The following STK39 variants were observed in gnomAD, a reference collection of about 807,000 sequenced individuals.
The protein encoded by STK39 is serine/threonine kinase 39.
Under a neutral mutation model 77.8 loss-of-function variants are expected in STK39, and 20 were observed. The observed-to-expected ratio is 0.26, with a 90% CI of 0.18 to 0.37. The LOEUF is 0.37. Among genes scored for constraint, STK39 ranks in the 10% least tolerant of loss-of-function variants. The probability of loss-of-function intolerance (pLI) is 1.00; values close to 1 mark genes in which losing one functional copy is unlikely to be tolerated. For missense variants in STK39, 479 were observed against 656.5 expected (o/e 0.73, Z 2.95); for synonymous variants, 246 against 234.1 (o/e 1.05, Z -0.47).
At chr2:168,225,548 G>T (rs181500105) in intron 1 of STK39, among the ~76,000 whole-genome samples, 156 of 152,226 alleles carry the variant, frequency 1.0e-3, no homozygotes, top group African/African-American at 3.7e-3. Context: ...CAGAATTTAA[G>T]ACAATTTATA....
intron 10 of STK39, among the ~76,000 whole-genome samples, chr2:168,127,359 C>A (rs753688121): frequency 1.9e-4 from 29 of 152,134 alleles, no homozygotes; most frequent in African/African-American, 7.0e-4. Context: ...CCACATTGGC[C>A]GGGATGGTCT....
At chr2:168,053,555 A>G (rs762517108) in intron 14 of STK39, among the ~76,000 whole-genome samples, 3 of 152,196 alleles carry the variant, frequency 2.0e-5, no homozygotes, top group African/African-American at 4.8e-5. Flanking sequence ...AAAATACAGA[A>G]TATCTTTAAA....
At chr2:168,065,207 G>A in intron 13 of STK39, 112 bp downstream of exon 13, 1 of 1,103,194 alleles carries the variant, frequency 9.1e-7, no homozygotes, top group South Asian at 1.4e-5. Flanking sequence ...CAGCTTATAA[G>A]CCCTTGATTT....
chr2:168,149,508 G>A (rs138148263), intron 5 of STK39, among the ~76,000 whole-genome samples: 12 of 152,162 alleles, frequency 7.9e-5, no homozygotes, highest in Middle Eastern at 3.2e-3. Flanking sequence ...GATAATTAAC[G>A]TTTCTGCTGC....
chr2:168,153,543 G>T (rs550036637), intron 5 of STK39, among the ~76,000 whole-genome samples: 1 of 151,866 alleles, frequency 6.6e-6, no homozygotes, highest in Non-Finnish European at 1.5e-5. Context: ...TGCTGCTGCT[G>T]CTCTAGGAGC....
chr2:168,110,655 T>A (rs1687098333), intron 10 of STK39, among the ~76,000 whole-genome samples: 1 of 152,210 alleles, frequency 6.6e-6, no homozygotes, highest in Non-Finnish European at 1.5e-5. Flanking sequence ...CAAGTTTTCC[T>A]TATACCTGAG....
rs1423090139 is a variant in STK39 at position 168,012,276 on chromosome 2, G to A, written c.1498+358C>T. Among the ~76,000 whole-genome samples the A allele has an allele frequency of 5.3e-5, 8 of 151,942 alleles. No individual in the cohort carries two copies. In the East Asian group the frequency reaches 1.4e-3, roughly 26 times the overall value. On this transcript the variant is annotated intron_variant, in intron 16 of 17. Coordinates refer to ENST00000355999, the MANE Select transcript of STK39 (RefSeq NM_013233.3). ...CAACCTCAGCCTCCCAGGTTCAAGCGATTCTCCTGCCTCAGCTTCTCGAGT... is the reference window on the plus strand; with the variant it reads ...CAACCTCAGCCTCCCAGGTTCAAGCAATTCTCCTGCCTCAGCTTCTCGAGT...
At chr2:168,207,005 T>G (rs1164359264) in intron 1 of STK39, among the ~76,000 whole-genome samples, 2 of 152,164 alleles carry the variant, frequency 1.3e-5, no homozygotes, top group African/African-American at 4.8e-5. Context: ...CAATTTCAGG[T>G]GAGATTCATT....
chr2:168,041,591 C>A (rs1354825997), intron 14 of STK39, among the ~76,000 whole-genome samples: 3 of 152,156 alleles, frequency 2.0e-5, no homozygotes, highest in Non-Finnish European at 4.4e-5. Context: ...GGTAATGCTG[C>A]TAGTTACTCA....
chr2:167,997,390 A>T (rs1490263127), intron 16 of STK39, among the ~76,000 whole-genome samples: 1 of 152,106 alleles, frequency 6.6e-6, no homozygotes, highest in Non-Finnish European at 1.5e-5. Context: ...ATTGATTTCA[A>T]AAGGGAAAGA....
rs144880510 is a variant in STK39, at chr2:168,227,404, G to A, written c.208+19824C>T. Among the ~76,000 whole-genome samples, 8 of 152,128 alleles carry A rather than the reference G, an allele frequency of 5.3e-5. No individual in the cohort carries two copies. The South Asian group carries it at 6.2e-4, about 12-fold the overall frequency. ...TACTATAAAATCCTTAAAATTTAGC[G>A]GACCACAAAATTCAACATTCATATC... On this transcript the variant is annotated intron_variant, in intron 1 of 17. Transcript: ENST00000355999.
intron 12 of STK39, among the ~76,000 whole-genome samples, chr2:168,068,396 T>C (rs542303751): frequency 2.0e-5 from 3 of 152,332 alleles, no homozygotes; most frequent in East Asian, 3.9e-4. Flanking sequence ...GCAAATATTA[T>C]AGCTAAATGC....
In STK39 at chr2:168,127,876, G is replaced by A. The variant is rs1687585890; in HGVS notation, c.1089+1665C>T. ...AAAGGTTTCAACCAAAATTGCAGAA[G>A]GAATCATAGGGAAGATGTGGAGAGT... On this transcript the variant is annotated intron_variant, in intron 10 of 17. Coordinates refer to ENST00000355999, the MANE Select transcript of STK39 (RefSeq NM_013233.3). Among the ~76,000 whole-genome samples, 3 of 152,172 alleles carry A rather than the reference G, an allele frequency of 2.0e-5. 1 individual carries two copies. The South Asian group carries it at 6.2e-4, about 32-fold the overall frequency.
intron 14 of STK39, among the ~76,000 whole-genome samples, chr2:168,059,978 T>C (rs996344537): frequency 6.6e-6 from 1 of 152,202 alleles, no homozygotes; most frequent in African/African-American, 2.4e-5. Context: ...CAATGCCATG[T>C]ACATAGTAAG....
At chr2:168,233,903 A>T (rs1467039239) in intron 1 of STK39, among the ~76,000 whole-genome samples, 2 of 152,218 alleles carry the variant, frequency 1.3e-5, no homozygotes, top group African/African-American at 4.8e-5. Context: ...GTGTTTAGTC[A>T]TCACAAGAAC....
At chr2:168,215,966 C>G (rs952826979) in intron 1 of STK39, among the ~76,000 whole-genome samples, 8 of 152,136 alleles carry the variant, frequency 5.3e-5, no homozygotes, top group African/African-American at 1.9e-4. Flanking sequence ...TCTAGCATCT[C>G]TAAGGACTGG....
intron 7 of STK39, among the ~76,000 whole-genome samples, chr2:168,138,500 G>A (rs564380212): frequency 4.6e-5 from 7 of 152,158 alleles, no homozygotes; most frequent in African/African-American, 1.4e-4. Context: ...GAACTGGCTC[G>A]TGTACTGCCT....
At chr2:167,956,728 T>TCCCCCCCCCCCC (rs1235889078) in intron 17 of STK39, among the ~76,000 whole-genome samples, 3 of 53,596 alleles carry the variant, frequency 5.6e-5, no homozygotes, top group Non-Finnish European at 1.0e-4. Context: ...TCTCTCTCTC[T>TCCCCCCCCCCCC]CCCCCCCCGC....
chr2:168,006,633 A>T (rs542780975), intron 16 of STK39, among the ~76,000 whole-genome samples: 6 of 152,240 alleles, frequency 3.9e-5, no homozygotes, highest in Admixed American at 3.9e-4. Flanking sequence ...AAGATAAGCA[A>T]ATTTATGCAT....
Sources: allele counts gnomAD v4.1 joint callset (sites outside exome capture counted in the v4.1 genomes callset), GRCh38; gene constraint gnomAD v4.1.1; transcripts MANE v1.5; gene names NCBI Gene and HGNC (gene_info 2026-07-23, HGNC 2026-07-21).